DNAH14: variants seen among roughly 807,000 people sequenced by gnomAD.
The protein encoded by DNAH14 is axonemal beta dynein heavy chain 14.
DNAH14 carries 478 observed loss-of-function variants against 520.9 expected under a neutral mutation model. The ratio of observed to expected loss-of-function variants is 0.92; its 90% CI spans 0.85 to 0.99. The LOEUF is 0.99. Ranked by LOEUF, DNAH14 falls within the 50% of genes least tolerant of loss-of-function variation. The probability of loss-of-function intolerance (pLI) is 0.00; values close to 1 mark genes in which losing one functional copy is unlikely to be tolerated. For missense variants in DNAH14, 4,831 were observed against 5,234.5 expected, an observed-to-expected ratio of 0.92 and a Z score of 2.38; for synonymous variants, 1,581 against 1,757.2, an observed-to-expected ratio of 0.90 and a Z score of 2.51.
intron 31 of DNAH14, among the ~76,000 whole-genome samples, chr1:225,151,454 A>T (rs1307726747): frequency 6.6e-6 from 1 of 151,904 alleles, no homozygotes; most frequent in Non-Finnish European, 1.5e-5. Context: ...TGTTTTCACC[A>T]CCCTCTTTGG....
intron 31 of DNAH14, among the ~76,000 whole-genome samples, chr1:225,150,023 T>C (rs1226982977): frequency 6.6e-6 from 1 of 152,184 alleles, no homozygotes; most frequent in Non-Finnish European, 1.5e-5. Flanking sequence ...TTCAGTATGA[T>C]GTTGGCTGTG....
intron 27 of DNAH14, among the ~76,000 whole-genome samples, chr1:225,135,435 T>C (rs763873248): frequency 3.3e-5 from 5 of 152,204 alleles, no homozygotes; most frequent in Non-Finnish European, 5.9e-5. Flanking sequence ...CAGGAGCAGG[T>C]TGTTCAATTT....
rs1012670775 is a variant in DNAH14 at position 225,069,413 on chromosome 1, G to A, written c.2425-9794G>A. 2.0e-5 allele frequency among the ~76,000 whole-genome samples: 3 copies of A among 152,142 alleles called. No individual in the cohort carries two copies. In the South Asian group the frequency reaches 6.2e-4, roughly 31 times the overall value. ...CTAATTTATTGAGAGTTTTTAACAT[G>A]AAGGATGTTGAATCGCATTAAAGGC... On this transcript the variant is annotated intron_variant, in intron 17 of 85. Transcript: ENST00000682510.
Position 225,140,039 on chromosome 1 carries a change from C to T in DNAH14, c.4255-729C>T, listed in dbSNP as rs780448632. 2.5e-4 allele frequency among the ~76,000 whole-genome samples: 38 copies of T among 152,340 alleles called. No homozygotes were observed. In the Middle Eastern group the frequency reaches 0.01, roughly 41 times the overall value. On this transcript the variant is annotated intron_variant, in intron 27 of 85. Transcript: ENST00000682510. ...CTCCTATCTCGATCTGGAAAAATCT[C>T]ACTCTGTCTGTTAACTTTATGCTAA... is the stretch of plus-strand genomic sequence containing the variant.
chr1:224,966,521 C>A (rs2061174717), intron 5 of DNAH14, among the ~76,000 whole-genome samples: 1 of 151,802 alleles, frequency 6.6e-6, no homozygotes, highest in Non-Finnish European at 1.5e-5. Flanking sequence ...TAAAATTTTC[C>A]TTAATGTGGA....
chr1:225,274,486 G>C (rs1191143103), intron 52 of DNAH14, among the ~76,000 whole-genome samples: 2 of 152,050 alleles, frequency 1.3e-5, no homozygotes, highest in African/African-American at 4.8e-5. Flanking sequence ...GAGCCACCGC[G>C]CCCGGCCGCA....
chr1:225,395,135 A>C (rs2095988751), intron 84 of DNAH14, among the ~76,000 whole-genome samples: 2 of 152,198 alleles, frequency 1.3e-5, no homozygotes, highest in South Asian at 4.1e-4. Flanking sequence ...TTTTTAATGA[A>C]GAATGGAAGC....
intron 46 of DNAH14, among the ~76,000 whole-genome samples, chr1:225,263,604 T>C (rs1228779389): frequency 2.0e-5 from 3 of 152,066 alleles, no homozygotes; most frequent in Non-Finnish European, 4.4e-5. Flanking sequence ...CCATCATCTA[T>C]GTCTTACACT....
At position 225,392,324 on chromosome 1, in the gene DNAH14, G is replaced by A. The variant is rs371543296; in HGVS notation, c.13364G>A (p.Arg4455Lys). The A allele has an allele frequency of 4.4e-5, 68 of 1,552,392 alleles. No homozygotes were observed. The highest frequency in any genetic ancestry group is 5.8e-5 in the Non-Finnish European group (67 of 1,147,148). ...GCTGCTGTGCTTCAAGACTATGGGA[G>A]GTCCCGAGGAATCGCTGTGGATGCC... ...FLAAVLQDYG[R>K]SRGIAVDALT... Residue 4455 changes from arginine (R) to lysine (K), a missense_variant, in exon 84 of 86, where the codon AGG (arginine) becomes AAG (lysine). Arg to Lys is a conservative substitution (Grantham distance 26). Coordinates refer to ENST00000682510, the MANE Select transcript of DNAH14 (RefSeq NM_001367479.1).
chr1:225,042,715 G>C, intron 12 of DNAH14, 120 bp from the exon 13 acceptor site: 1 of 1,055,138 alleles, frequency 9.5e-7, no homozygotes, highest in Non-Finnish European at 1.4e-6. Flanking sequence ...TGGTAATACA[G>C]TGTTACTCGG....
Position 225,318,615 on chromosome 1 carries a change from A to T in DNAH14, c.9273A>T (p.Pro3091=). The T allele has an allele frequency of 6.5e-7, 1 of 1,549,016 alleles. No individual in the cohort carries two copies. The highest frequency in any genetic ancestry group is 2.4e-5 in the East Asian group (1 of 40,844). ...KTANELKSVL[P]AFDKAIVALN... ...CCAATGAACTAAAAAGTGTGCTGCC[A>T]GCCTTTGACAAGGCAATTGTGGCTC... is the stretch of plus-strand genomic sequence containing the variant. The change falls in exon 61 of 86, where the codon CCA becomes CCT. Residue 3091 remains proline (P), a synonymous_variant. Transcript: ENST00000682510.
chr1:225,057,030 A>G (rs1217781714), intron 17 of DNAH14, among the ~76,000 whole-genome samples: 2 of 152,268 alleles, frequency 1.3e-5, no homozygotes, highest in East Asian at 3.9e-4. Context: ...TTTTGGTTCC[A>G]TAGGAACTTT....
In DNAH14 at chr1:225,038,711, C is replaced by G. The variant is rs1358911488; in HGVS notation, c.1376C>G (p.Ser459Cys). The part of the protein sequence containing the change: ...ENLIRTFKDN[S>C]FPTGKTTNDC... ...TAATCCAGAACATTCAAGGACAACT[C>G]TTTTCCTACTGGAAAGACAACAAAT... Residue 459 changes from serine (S) to cysteine (C), a missense_variant, in exon 12 of 86, where the codon TCT (serine) becomes TGT (cysteine). Physicochemically the swap from Ser to Cys is moderately radical, Grantham distance 112 (BLOSUM62 -1). Coordinates refer to ENST00000682510, the MANE Select transcript of DNAH14 (RefSeq NM_001367479.1). 2.0e-6 allele frequency: 3 copies of G among 1,531,264 alleles called. No homozygotes were observed. The highest frequency in any genetic ancestry group is 2.6e-6 in the Non-Finnish European group (3 of 1,141,170). 94.9% of individuals were successfully genotyped at this position (1,531,264 alleles called of 1,614,324 possible).
chr1:225,077,327 A>G (rs896074430), intron 17 of DNAH14, among the ~76,000 whole-genome samples: 8 of 152,270 alleles, frequency 5.3e-5, no homozygotes, highest in Middle Eastern at 3.4e-3. Context: ...GTTTATGTTT[A>G]TAAGTGAAAA....
Position 225,007,490 on chromosome 1 carries a change from A to T in DNAH14, c.1053A>T (p.Gln351His). The T allele has an allele frequency of 6.5e-7, 1 of 1,540,894 alleles. No homozygotes were observed. Among genetic ancestry groups the T allele is most frequent in the Admixed American group, 2.0e-5 (1 of 50,224 alleles). Residue 351 changes from glutamine to histidine, a missense_variant, in exon 10 of 86, where the codon CAA becomes CAT. Gln to His is a conservative substitution (Grantham distance 24). Coordinates refer to ENST00000682510, the MANE Select transcript of DNAH14 (RefSeq NM_001367479.1). ...AGCAAGCTACCCAGGCATTGAAACA[A>T]CTTGAGGACATCAGGAATAAAGCAA... ...QLQQATQALK[Q>H]LEDIRNKAIS...
chr1:225,143,338 CTT>C (rs2079617919), intron 28 of DNAH14, among the ~76,000 whole-genome samples: 1 of 152,134 alleles, frequency 6.6e-6, no homozygotes, highest in Admixed American at 6.5e-5. Flanking sequence ...TTTTCTCTCT[CTT>C]GTGGATATAT....
At chr1:225,118,712 A>G (rs1453236983) in intron 25 of DNAH14, among the ~76,000 whole-genome samples, 3 of 151,874 alleles carry the variant, frequency 2.0e-5, no homozygotes, top group South Asian at 2.1e-4. Context: ...GTGAAACCCT[A>G]TCTCTACTAA....
chr1:224,960,421 G>T, intron 4 of DNAH14, 119 bp downstream of exon 4: 4 of 1,108,464 alleles, frequency 3.6e-6, no homozygotes, highest in South Asian at 2.6e-5. Context: ...TGAATTTTAT[G>T]TGTTTGGTTG....
Position 225,257,889 on chromosome 1 carries a change from A to C in DNAH14, c.6866-71A>C, listed in dbSNP as rs529597356. The C allele has an allele frequency of 1.3e-4, 90 of 712,596 alleles. No individual in the cohort carries two copies. The African/African-American group carries it at 1.9e-3, about 15-fold the overall frequency. The allele number at this position is 712,596 out of a possible 1,614,324, so 44.1% of individuals were successfully genotyped here. A position where few individuals can be genotyped will look rare whatever the true frequency, so the allele number is the denominator to read the frequency against. On this transcript the variant is annotated intron_variant, in intron 44 of 85. Coordinates refer to ENST00000682510, the MANE Select transcript of DNAH14 (RefSeq NM_001367479.1). ...TGAAAATAAAATAATCCTAATGACA[A>C]AAAAAAAAAAAAGATGAGGTGAATA... is the stretch of plus-strand genomic sequence containing the variant.
Sources: gnomAD v4.1 joint callset for allele counts (sites outside exome capture counted in the v4.1 genomes callset) on GRCh38, gnomAD v4.1.1 for gene constraint, MANE v1.5 for transcripts, NCBI Gene and HGNC (gene_info 2026-07-23, HGNC 2026-07-21) for gene names.